Variants in FAM170B observed in about 807,000 individuals in gnomAD.
FAM170B encodes family with sequence similarity 170 member B.
FAM170B carries 4 observed loss-of-function variants against 3.9 expected under a neutral mutation model. The ratio of observed to expected loss-of-function variants is 1.01; its 90% CI spans 0.50 to 2.32. The LOEUF (loss-of-function observed/expected upper bound fraction) is 2.32. Ranked by LOEUF, FAM170B falls within the 30% of genes most tolerant of loss-of-function variation. FAM170B has a pLI of 0.02. For missense variants in FAM170B, 417 were observed against 368.6 expected, an observed-to-expected ratio of 1.13 and a Z score of -1.07; for synonymous variants, 163 against 149.8, an observed-to-expected ratio of 1.09 and a Z score of -0.64.
In FAM170B at chr10:49,131,834, T is replaced by C. The variant is rs1373127905; in HGVS notation, c.631A>G (p.Arg211Gly). 14 of 1,547,442 alleles carry C rather than the reference T, an allele frequency of 9.0e-6. No homozygotes were observed. In the Admixed American group the frequency reaches 2.5e-4, roughly 28 times the overall value. ...AGAGCGTCCAGGGAGGGCAAGACCCTGCAGCAGGCCACGCAGCGCACCCCG... is the reference window on the plus strand; with the variant it reads ...AGAGCGTCCAGGGAGGGCAAGACCCCGCAGCAGGCCACGCAGCGCACCCCG... ...NYGVRCVACCRVLPSLDALLE... is the reference protein window; with the variant it reads ...NYGVRCVACCGVLPSLDALLE... The change falls in exon 2 of 2, where the codon AGG becomes GGG. Residue 211 changes from arginine (R) to glycine (G), a missense_variant. Transcript: ENST00000311787.
In FAM170B at chr10:49,132,269, G is replaced by A. The variant is rs533298655; in HGVS notation, c.196C>T (p.Arg66Trp). ...GAGCTGCTCCAGTCCCGCATCCCCC[G>A]GTCCCTGGCAGCGAAGTAGAGGCCC... is the stretch of plus-strand genomic sequence containing the variant. ...EEGLYFAARD[R>W]GMRDWSSSPS... Residue 66 changes from arginine (R) to tryptophan (W), a missense_variant, in exon 2 of 2, where the codon CGG becomes TGG. Arg to Trp is a moderately radical substitution (Grantham distance 101). Transcript: ENST00000311787. 3.9e-6 allele frequency: 6 copies of A among 1,551,470 alleles called. No homozygotes were observed. The highest frequency in any genetic ancestry group is 4.9e-5 in the East Asian group (2 of 40,918).
Position 49,132,077 on chromosome 10 carries a change from C to T in FAM170B, c.388G>A (p.Glu130Lys), listed in dbSNP as rs751677460. 3.9e-6 allele frequency: 6 copies of T among 1,551,614 alleles called. No individual in the cohort carries two copies. The highest frequency in any genetic ancestry group is 2.7e-5 in the African/African-American group (2 of 73,188). The change falls in exon 2 of 2, where the codon GAG becomes AAG. Residue 130 changes from glutamate (E) to lysine (K), a missense_variant. Glu to Lys is a moderately conservative substitution (Grantham distance 56). Transcript: ENST00000311787. ...ATGCGGGGCTTCCTGGTGACCGGCT[C>T]GAAGCCGGCCTCCGTCTCCCAGGCC... Reference protein sequence around the residue: ...AVAWETEAGFEPVTRKPRIHE... With the variant: ...AVAWETEAGFKPVTRKPRIHE...
rs1204435836 is a variant in FAM170B, at chr10:49,131,269, T to C, written c.*344A>G. On this transcript the variant is annotated 3_prime_UTR_variant, in exon 2 of 2. Coordinates refer to ENST00000311787, the MANE Select transcript of FAM170B (RefSeq NM_001164484.2). ...GAGTAATTTGCAGTTGGCTGTCCTG[T>C]GACCCACATATACTTAGCAAGTGTG... 3.9e-6 allele frequency: 1 copy of C among 254,122 alleles called. No homozygotes were observed. The highest frequency in any genetic ancestry group is 7.5e-6 in the Non-Finnish European group (1 of 132,850). 15.7% of individuals were successfully genotyped at this position (254,122 alleles called of 1,614,324 possible).
At position 49,131,923 on chromosome 10, in the gene FAM170B, T is replaced by C; in HGVS notation, c.542A>G (p.Asp181Gly). 3 of 1,549,216 alleles carry C rather than the reference T, an allele frequency of 1.9e-6. No individual in the cohort carries two copies. Among genetic ancestry groups the C allele is most frequent in the South Asian group, 1.2e-5 (1 of 84,064 alleles). ...SNCSPEPEDI[D>G]LLECCLQELR... is the part of the protein sequence containing the mutation. Reference sequence around the variant, plus strand: ...CTCCTGCAGGCAGCACTCCAGCAGGTCTATGTCCTCGGGCTCGGGGCTGCA... The same window carrying C: ...CTCCTGCAGGCAGCACTCCAGCAGGCCTATGTCCTCGGGCTCGGGGCTGCA... The change falls in exon 2 of 2, where the codon GAC becomes GGC. Residue 181 changes from aspartate to glycine, a missense_variant. Transcript: ENST00000311787.
chr10:49,132,841 T>C (rs1240865969), intron 1 of FAM170B, among the ~76,000 whole-genome samples: 2 of 109,070 alleles, frequency 1.8e-5, no homozygotes, highest in East Asian at 4.5e-4. Context: ...TAAGAGAATG[T>C]GAACAAAAAA....
Position 49,131,607 on chromosome 10 carries a change from T to A in FAM170B, c.*6A>T. ...TGAGGGCAGGGTTGGGTATCTCCCC[T>A]CTGGCTCACTGCTTCTCCTGCTGCT... On this transcript the variant is annotated 3_prime_UTR_variant, in exon 2 of 2. Transcript: ENST00000311787. The A allele has an allele frequency of 6.5e-7, 1 of 1,548,368 alleles. No homozygotes were observed. Among genetic ancestry groups the A allele is most frequent in the Non-Finnish European group, 8.7e-7 (1 of 1,144,796 alleles).
intron 1 of FAM170B, among the ~76,000 whole-genome samples, 155 bp from the exon 2 acceptor site, chr10:49,132,507 A>T (rs994216853): frequency 1.3e-5 from 2 of 152,212 alleles, no homozygotes; most frequent in Non-Finnish European, 2.9e-5. Context: ...GAAGATGGTG[A>T]TAATGCCTGC....
Position 49,132,232 on chromosome 10 carries a change from T to C in FAM170B, c.233A>G (p.Glu78Gly), listed in dbSNP as rs781459156. The change falls in exon 2 of 2, where the codon GAG becomes GGG. Residue 78 changes from glutamate (E) to glycine (G), a missense_variant. Physicochemically the swap from Glu to Gly is moderately conservative, Grantham distance 98. Coordinates refer to ENST00000311787, the MANE Select transcript of FAM170B (RefSeq NM_001164484.2). ...MRDWSSSPSS[E>G]SSEYQSYSQY... ...GGAGTAGGACTGGTACTCGGAGGAC[T>C]CTGAGGATGGGGAGCTGCTCCAGTC... is the stretch of plus-strand genomic sequence containing the variant. 3.9e-6 allele frequency: 6 copies of C among 1,551,518 alleles called. No homozygotes were observed. The Admixed American group carries it at 5.9e-5, about 15-fold the overall frequency.
At chr10:49,133,781 C>G in intron 1 of FAM170B, 26 bp downstream of exon 1, 1 of 1,543,860 alleles carries the variant, frequency 6.5e-7, no homozygotes, top group Non-Finnish European at 8.8e-7. Flanking sequence ...AGCTGGCTGA[C>G]CTTCCAGGCC....
At chr10:49,132,500 G>GCAGGCATTATCACC in intron 1 of FAM170B, 148 bp from the exon 2 acceptor site, 1 of 864,010 alleles carries the variant, frequency 1.2e-6, no homozygotes, top group Non-Finnish European at 1.7e-6. Flanking sequence ...AAAAAATGAA[G>GCAGGCATTATCACC]ATGGTGATAA....
At chr10:49,133,033 G>T (rs1845207961) in intron 1 of FAM170B, among the ~76,000 whole-genome samples, 1 of 152,184 alleles carries the variant, frequency 6.6e-6, no homozygotes, top group Non-Finnish European at 1.5e-5. Context: ...TCATGACTGT[G>T]TTGGTGGTTC....
At chr10:49,133,683 T>C in intron 1 of FAM170B, 124 bp downstream of exon 1, 2 of 723,282 alleles carry the variant, frequency 2.8e-6, no homozygotes, top group East Asian at 5.4e-5. Context: ...CACATCTATG[T>C]TTATGGTCAA....
In FAM170B at chr10:49,133,873, C is replaced by A. The variant is rs76513413; in HGVS notation, c.46G>T (p.Asp16Tyr). The A allele has an allele frequency of 6.4e-7, 1 of 1,551,558 alleles. No individual in the cohort carries two copies. Among genetic ancestry groups the A allele is most frequent in the Non-Finnish European group, 8.7e-7 (1 of 1,147,002 alleles). The change falls in exon 1 of 2, where the codon GAT becomes TAT. Residue 16 changes from aspartate to tyrosine, a missense_variant. Coordinates refer to ENST00000311787, the MANE Select transcript of FAM170B (RefSeq NM_001164484.2). ...CTGGTCAAGCTGAGGGTGGTCCCAT[C>A]GGTGGGTGACTGTTCTCCCCTGTGA... ...TDHRGEQSPT[D>Y]GTTLSLTSPE...
In FAM170B at chr10:49,131,396, T is replaced by C. The variant is rs564636275; in HGVS notation, c.*217A>G. On this transcript the variant is annotated 3_prime_UTR_variant, in exon 2 of 2. Coordinates refer to ENST00000311787, the MANE Select transcript of FAM170B (RefSeq NM_001164484.2). Reference sequence around the variant, plus strand: ...TCAGAAACACTCAAAGCCCTCTCGTTTGGGTTTTGAAATGGACTCTGGTGG... The same window carrying C: ...TCAGAAACACTCAAAGCCCTCTCGTCTGGGTTTTGAAATGGACTCTGGTGG... 23 of 560,244 alleles carry C rather than the reference T, an allele frequency of 4.1e-5. No individual in the cohort carries two copies. The East Asian group carries it at 6.1e-4, about 15-fold the overall frequency. The allele number at this position is 560,244 out of a possible 1,614,324, so 34.7% of individuals were successfully genotyped here. A position where few individuals can be genotyped will look rare whatever the true frequency, so the allele number is the denominator to read the frequency against.
At chr10:49,133,723 C>A in intron 1 of FAM170B, 84 bp downstream of exon 1, 1 of 1,135,928 alleles carries the variant, frequency 8.8e-7, no homozygotes, top group Non-Finnish European at 1.3e-6. Context: ...TATCAGGAGG[C>A]AACCTGGCAC....
At chr10:49,133,384 AT>A (rs1200764174) in intron 1 of FAM170B, among the ~76,000 whole-genome samples, 2 of 152,218 alleles carry the variant, frequency 1.3e-5, no homozygotes, top group Non-Finnish European at 2.9e-5. Context: ...TGGTGGAGCC[AT>A]TGGGCCCCCA....
intron 1 of FAM170B, among the ~76,000 whole-genome samples, chr10:49,132,928 G>A (rs1238872217): frequency 6.6e-6 from 1 of 152,162 alleles, no homozygotes; most frequent in African/African-American, 2.4e-5. Context: ...ACAGAGAACA[G>A]CTCAGTGGTT....
rs1845219830 is a variant in FAM170B, at chr10:49,134,005, C to T, written c.-87G>A. On this transcript the variant is annotated 5_prime_UTR_variant, in exon 1 of 2. Coordinates refer to ENST00000311787, the MANE Select transcript of FAM170B (RefSeq NM_001164484.2). The stretch of plus-strand genomic sequence containing the variant: ...TGTACTGAAGGCCTCCAGCTGGCCC[C>T]AGCCAGAGTGGACACTGAGCTCCCC... 1.9e-6 allele frequency: 2 copies of T among 1,042,936 alleles called. No individual in the cohort carries two copies. The highest frequency in any genetic ancestry group is 2.0e-5 in the Admixed American group (1 of 50,090). 64.6% of individuals were successfully genotyped at this position (1,042,936 alleles called of 1,614,324 possible).
Position 49,132,349 on chromosome 10 carries a change from G to C in FAM170B, c.116C>G (p.Thr39Ser). Reference sequence around the variant, plus strand: ...TGGGGACGACCCTTCTCTCTGTATAGTCCCTGAGAAGCAGAAGGACATTGT... The same window carrying C: ...TGGGGACGACCCTTCTCTCTGTATACTCCCTGAGAAGCAGAAGGACATTGT... ...EESVEVFWPG[T>S]IQREGSSPRP... The change falls in exon 2 of 2, where the codon ACT becomes AGT. Residue 39 changes from threonine to serine, a missense_variant. Thr to Ser is a moderately conservative substitution (Grantham distance 58). Coordinates refer to ENST00000311787, the MANE Select transcript of FAM170B (RefSeq NM_001164484.2). 1.3e-6 allele frequency: 2 copies of C among 1,534,390 alleles called. No individual in the cohort carries two copies. Among genetic ancestry groups the C allele is most frequent in the South Asian group, 1.2e-5 (1 of 82,650 alleles).
Sources: allele counts gnomAD v4.1 joint callset (sites outside exome capture counted in the v4.1 genomes callset), GRCh38; gene constraint gnomAD v4.1.1; transcripts MANE v1.5; gene names NCBI Gene and HGNC (gene_info 2026-07-23, HGNC 2026-07-21).